The following CIAO3 variants were observed in gnomAD, a reference collection of about 807,000 sequenced individuals.
CIAO3 encodes the protein LET1 like/JFP15.
CIAO3 carries 45 observed loss-of-function variants against 51.5 expected under a neutral mutation model. The ratio of observed to expected loss-of-function variants is 0.87; its 90% CI spans 0.69 to 1.12. CIAO3 has a LOEUF of 1.12. Ranked by LOEUF, CIAO3 falls within the 50% of genes most tolerant of loss-of-function variation. The pLI is 0.00. For synonymous variants in CIAO3, 314 were observed against 269.3 expected (o/e 1.17, Z -1.63); for missense variants, 668 against 632.5 (o/e 1.06, Z -0.60).
At chr16:734,990 C>A in intron 4 of CIAO3, 119 bp from the exon 5 acceptor site, 1 of 1,350,020 alleles carries the variant, frequency 7.4e-7, no homozygotes. Flanking sequence ...CTTGCCGTGC[C>A]AAAGCCCCGG....
chr16:732,906 G>C (rs2041300180), intron 7 of CIAO3: 1 of 318,520 alleles, frequency 3.1e-6, no homozygotes, highest in Admixed American at 4.5e-5. Flanking sequence ...AAAGTGCTGG[G>C]ATTACAGGCG....
Position 737,219 on chromosome 16 carries a change from G to A in CIAO3, c.273C>T (p.His91=), listed in dbSNP as rs770519213. 5.6e-6 allele frequency: 9 copies of A among 1,613,606 alleles called. No individual in the cohort carries two copies. The highest frequency in any genetic ancestry group is 1.6e-4 in the Middle Eastern group (1 of 6,084). The part of the protein sequence containing the change: ...AETVLITQQS[H]EELKKVLDAN... ...CATCTAGAACCTTCTTCAGCTCCTC[G>A]TGGCTCTGCTGGGTGATAAGCACGG... The change falls in exon 3 of 11, where the codon CAC becomes CAT. Residue 91 remains histidine, a synonymous_variant. Coordinates refer to ENST00000251588, the MANE Select transcript of CIAO3 (RefSeq NM_022493.3). The surrounding 1 kb of genome is among the most constrained non-coding windows in gnomAD (Gnocchi z 5.3).
At chr16:739,416 C>T (rs1281331862) in intron 2 of CIAO3, 1 of 577,384 alleles carries the variant, frequency 1.7e-6, no homozygotes, top group East Asian at 2.9e-5. Flanking sequence ...CTGCAAATAG[C>T]CCCTCTGCTG....
chr16:730,883 G>GCGCCCT lies in CIAO3; in HGVS notation c.1146_1151dup (p.Gly383_Arg384dup). 3.7e-6 allele frequency: 6 copies of GCGCCCT among 1,612,880 alleles called. No individual in the cohort carries two copies. The highest frequency in any genetic ancestry group is 5.1e-6 in the Non-Finnish European group (6 of 1,179,994). On this transcript the variant is annotated inframe_insertion, in exon 10 of 11. Transcript: ENST00000251588. Reference sequence around the variant, plus strand: ...TGACCTCCACGTAGTGGTAGGGGCAGCGCCCTCGTTTGAGCCTCTGCACCA... The same window carrying GCGCCCT: ...TGACCTCCACGTAGTGGTAGGGGCAGCGCCCTCGCCCTCGTTTGAGCCTCTGCACCA...
At chr16:732,044 A>C (rs2041288742) in intron 8 of CIAO3, 1 of 528,358 alleles carries the variant, frequency 1.9e-6, no homozygotes, top group Non-Finnish European at 3.4e-6. Context: ...TGTCTGGCTA[A>C]ATTTTGTATT....
chr16:733,254 G>C (rs2041303572), intron 7 of CIAO3, 44 bp downstream of exon 7: 1 of 1,607,356 alleles, frequency 6.2e-7, no homozygotes, highest in South Asian at 1.1e-5. Context: ...TCAGGAATCA[G>C]ACCAGGAGGC....
chr16:737,289 A>T lies in CIAO3; in HGVS notation c.203T>A (p.Leu68Gln). Residue 68 changes from leucine to glutamine, a missense_variant, in exon 3 of 11, where the codon CTA (leucine) becomes CAA (glutamine). Physicochemically the swap from Leu to Gln is moderately radical, Grantham distance 113. Transcript: ENST00000251588. The surrounding 1 kb of genome is among the most constrained non-coding windows in gnomAD (Gnocchi z 5.3). ...TRRLEKAKVS[L>Q]NDCLACSGCI... The stretch of plus-strand genomic sequence containing the variant: ...GCCGCTGCACGCCAGGCAGTCGTTT[A>T]GCGAGACCTTGGCCTTCTCCAGCCT... 8 of 1,613,412 alleles carry T rather than the reference A, an allele frequency of 5.0e-6. No individual in the cohort carries two copies. Among genetic ancestry groups the T allele is most frequent in the Non-Finnish European group, 6.8e-6 (8 of 1,180,016 alleles).
chr16:734,498 C>T (rs545373342), intron 5 of CIAO3, 151 bp from the exon 6 acceptor site: 15 of 856,220 alleles, frequency 1.8e-5, no homozygotes, highest in Non-Finnish European at 1.9e-5. Flanking sequence ...CCCACCACCA[C>T]GCGGAGCTCG....
chr16:730,797 C>G, intron 10 of CIAO3, 46 bp downstream of exon 10: 2 of 1,603,944 alleles, frequency 1.2e-6, no homozygotes, highest in South Asian at 1.1e-5. Context: ...GCCCACAGCT[C>G]TGCTCCCAGA....
At chr16:736,532 T>A in intron 3 of CIAO3, 134 bp from the exon 4 acceptor site, 7 of 1,020,012 alleles carry the variant, frequency 6.9e-6, no homozygotes, top group South Asian at 3.2e-5. Context: ...TTTTTTTTTT[T>A]AACACAGAGT....
rs1567343218 is a variant in CIAO3, at chr16:731,567, CAG to C, written c.1030_1031del (p.Leu344GlufsTer86). On this transcript the variant is annotated frameshift_variant, in exon 9 of 11. Transcript: ENST00000251588. LOFTEE classifies it high-confidence loss of function. ...GAGATCTGGCCCATCCCACTGACCT[CAG>C]GGGTTTGTAGGTAACCTCAGCCACA... is the stretch of plus-strand genomic sequence containing the variant. ...IHVAEVTYKP[L>X]RNKDFQEVTL... is the part of the protein sequence containing the mutation. 5.1e-6 allele frequency: 8 copies of C among 1,565,544 alleles called. No homozygotes were observed. Among genetic ancestry groups the C allele is most frequent in the Non-Finnish European group, 6.9e-6 (8 of 1,155,684 alleles).
rs980220375 is a variant in CIAO3, at chr16:737,609, C to T, written c.163-280G>A. The stretch of plus-strand genomic sequence containing the variant: ...GGTATCTCAGCAAAGCAGCAGCCAC[C>T]CCACTCACCCATGGGGCCCTGGACG... On this transcript the variant is annotated intron_variant, in intron 2 of 10. Transcript: ENST00000251588. This position sits in a 1 kb window ranked among gnomAD's most constrained non-coding sequence, Gnocchi z 5.3. 18 of 1,408,590 alleles carry T rather than the reference C, an allele frequency of 1.3e-5. No individual in the cohort carries two copies. In the East Asian group the frequency reaches 5.3e-4, roughly 41 times the overall value. 87.3% of individuals were successfully genotyped at this position (1,408,590 alleles called of 1,614,324 possible).
At position 736,500 on chromosome 16, in the gene CIAO3, G is replaced by A. The variant is rs1043495010; in HGVS notation, c.307-102C>T. 3.5e-6 allele frequency: 5 copies of A among 1,432,046 alleles called. No homozygotes were observed. In the African/African-American group the frequency reaches 4.3e-5, roughly 12 times the overall value. 88.7% of individuals were successfully genotyped at this position (1,432,046 alleles called of 1,614,324 possible). The stretch of plus-strand genomic sequence containing the variant: ...ATGCTGTCAGCTGTGGAGAGGGCAG[G>A]CCAGCTCCATCAAGAGTCTTTTTTT... On this transcript the variant is annotated intron_variant, in intron 3 of 10. Transcript: ENST00000251588.
Position 737,279 on chromosome 16 carries a change from G to A in CIAO3, c.213C>T (p.Cys71=). ...AGGTGATGCAGCCGCTGCACGCCAGGCAGTCGTTTAGCGAGACCTTGGCCT... is the reference window on the plus strand; with the variant it reads ...AGGTGATGCAGCCGCTGCACGCCAGACAGTCGTTTAGCGAGACCTTGGCCT... ...LEKAKVSLND[C]LACSGCITSA... is the part of the protein sequence containing the mutation. Residue 71 remains cysteine (C), a synonymous_variant, in exon 3 of 11, where the codon TGC becomes TGT. Coordinates refer to ENST00000251588, the MANE Select transcript of CIAO3 (RefSeq NM_022493.3). This position sits in a 1 kb window ranked among gnomAD's most constrained non-coding sequence, Gnocchi z 5.3. 1 of 1,613,466 alleles carries A rather than the reference G, an allele frequency of 6.2e-7. No individual in the cohort carries two copies. The highest frequency in any genetic ancestry group is 8.5e-7 in the Non-Finnish European group (1 of 1,180,016).
chr16:734,399 C>A, intron 5 of CIAO3, 52 bp from the exon 6 acceptor site: 2 of 1,319,562 alleles, frequency 1.5e-6, no homozygotes, highest in Non-Finnish European at 2.1e-6. Flanking sequence ...GCGGCCCCCG[C>A]ACCCACAGGC....
chr16:734,200 T>C (rs2151601854), intron 6 of CIAO3, 29 bp downstream of exon 6: 1 of 1,595,816 alleles, frequency 6.3e-7, no homozygotes, highest in Non-Finnish European at 8.6e-7. Flanking sequence ...CTCCCCAGCC[T>C]GAGTCTGGGG....
chr16:734,900 A>C, intron 4 of CIAO3, 29 bp from the exon 5 acceptor site: 1 of 1,521,338 alleles, frequency 6.6e-7, no homozygotes, highest in Admixed American at 2.1e-5. Context: ...TGCCTGGTTA[A>C]CCCCATGCGG....
intron 8 of CIAO3, 79 bp from the exon 9 acceptor site, chr16:731,781 CA>C: frequency 6.9e-7 from 1 of 1,439,720 alleles, no homozygotes; most frequent in Non-Finnish European, 9.1e-7. Context: ...GTCCCTCACA[CA>C]TGAGCGTTTG....
At chr16:739,589 G>T in intron 2 of CIAO3, 54 bp downstream of exon 2, 1 of 1,542,748 alleles carries the variant, frequency 6.5e-7, no homozygotes, top group Non-Finnish European at 9.0e-7. Context: ...GCAGAGAAAA[G>T]TGTTTCGGAT....
Sources: gnomAD v4.1 joint callset for allele counts on GRCh38, gnomAD v4.1.1 for gene constraint, Gnocchi (gnomAD v3.1) non-coding constraint, MANE v1.5 for transcripts, NCBI Gene and HGNC (gene_info 2026-07-23, HGNC 2026-07-21) for gene names.